Variants in GLYATL2 observed in about 807,000 individuals in gnomAD.
The protein encoded by GLYATL2 is glycine N-acyltransferase-like protein 2.
A neutral mutation model predicts 21.4 loss-of-function variants in GLYATL2; 25 were observed. The ratio of observed to expected loss-of-function variants is 1.17; its 90% CI spans 0.85 to 1.63. The LOEUF (loss-of-function observed/expected upper bound fraction) is 1.63, where lower values mean the gene tolerates loss of function less well. GLYATL2 is among the 40% of genes most tolerant of loss of function. GLYATL2 has a pLI of 0.00. For missense variants in GLYATL2, 361 were observed against 343.3 expected (o/e 1.05, Z -0.41); for synonymous variants, 114 against 118.2 (o/e 0.96, Z 0.23).
chr11:58,894,334 T>C (rs1270848823), intron 1 of GLYATL2, among the ~76,000 whole-genome samples: 3 of 152,158 alleles, frequency 2.0e-5, no homozygotes, highest in African/African-American at 4.8e-5. Flanking sequence ...ATAAGAACTT[T>C]CTAATTAAAT....
At chr11:58,899,655 C>G (rs896770848) in intron 1 of GLYATL2, among the ~76,000 whole-genome samples, 2 of 152,062 alleles carry the variant, frequency 1.3e-5, no homozygotes, top group Admixed American at 6.6e-5. Context: ...CACATACCAG[C>G]GGGTTAGGGT....
rs182457055 is a variant in GLYATL2, at chr11:58,875,342, C to T, written n.60+28814G>A. 5.5e-3 allele frequency among the ~76,000 whole-genome samples: 839 copies of T among 152,244 alleles called. 5 individuals carry two copies. The highest frequency in any genetic ancestry group is 9.3e-3 in the Non-Finnish European group (632 of 68,032). ...TTTGATCCTGTCATTATGACGTTAG[C>T]TGGTTATTTTGCTTGTTAGTTGATG... On this transcript the variant is annotated intron_variant and non_coding_transcript_variant, in intron 1 of 4. Coordinates refer to the GLYATL2 transcript ENST00000533636.
In GLYATL2 at chr11:58,894,036, G is replaced by C. The variant is rs551485262; in HGVS notation, n.60+10120C>G. On this transcript the variant is annotated intron_variant and non_coding_transcript_variant, in intron 1 of 4. Coordinates refer to the GLYATL2 transcript ENST00000533636. The stretch of plus-strand genomic sequence containing the variant: ...GAAAAGAATCTCCAGAGAATCAAGT[G>C]GGCTGGCCTTGTGGCCTCTGCTATG... Among the ~76,000 whole-genome samples, 12 of 152,300 alleles carry C rather than the reference G, an allele frequency of 7.9e-5. No homozygotes were observed. The South Asian group carries it at 2.5e-3, about 32-fold the overall frequency.
At chr11:58,909,405 A>T in the GLYATL2 span, among the ~76,000 whole-genome samples, 1 of 152,198 alleles carries the variant, frequency 6.6e-6, no homozygotes, top group Admixed American at 6.5e-5. Flanking sequence ...TACAAAAGTA[A>T]TAAATGAGGG....
chr11:58,901,171 G>C (rs1410336677), intron 1 of GLYATL2, among the ~76,000 whole-genome samples: 2 of 152,206 alleles, frequency 1.3e-5, no homozygotes, highest in Non-Finnish European at 2.9e-5. Context: ...CGCCCTGGGA[G>C]GGTCACAGAG....
chr11:58,885,549 C>G, intron 1 of GLYATL2: 1 of 440,622 alleles, frequency 2.3e-6, no homozygotes, highest in Non-Finnish European at 4.6e-6. Context: ...CAGGTAGGCA[C>G]ACAAACAGGG....
intron 1 of GLYATL2, among the ~76,000 whole-genome samples, chr11:58,851,600 C>A (rs1428382085): frequency 6.6e-6 from 1 of 152,084 alleles, no homozygotes; most frequent in African/African-American, 2.4e-5. Context: ...ATTGAGTTGG[C>A]CTTCTTCCAA....
intron 1 of GLYATL2, among the ~76,000 whole-genome samples, chr11:58,874,675 C>G (rs904791246): frequency 6.6e-6 from 1 of 152,154 alleles, no homozygotes; most frequent in Non-Finnish European, 1.5e-5. Flanking sequence ...AATTTCTGTT[C>G]TTTTACATTT....
At chr11:58,872,848 G>A (rs1407259515) in intron 1 of GLYATL2, among the ~76,000 whole-genome samples, 2 of 152,154 alleles carry the variant, frequency 1.3e-5, no homozygotes, top group African/African-American at 2.4e-5. Flanking sequence ...TGATAGGGAT[G>A]GCATTGAATC....
intron 1 of GLYATL2, among the ~76,000 whole-genome samples, chr11:58,902,068 C>T (rs1319679403): frequency 3.9e-5 from 6 of 152,220 alleles, no homozygotes; most frequent in African/African-American, 9.6e-5. Context: ...GGATGGACTA[C>T]GGGGTCTATA....
rs1853398599 is a variant in GLYATL2 at position 58,834,807 on chromosome 11, A to G, written c.507T>C (p.Asp169=). 1 of 1,599,726 alleles carries G rather than the reference A, an allele frequency of 6.3e-7. No individual in the cohort carries two copies. The highest frequency in any genetic ancestry group is 1.3e-5 in the African/African-American group (1 of 74,218). The change falls in exon 6 of 6, where the codon GAT becomes GAC. Residue 169 remains aspartate (D), a synonymous_variant. Transcript: ENST00000287275. ...KEGNFSNMFL[D]ASHAGLVNEH... ...CATTCACAAGACCTGCATGTGAAGC[A>G]TCTAAGAACATGTTTGAAAAGTTTC... is the stretch of plus-strand genomic sequence containing the variant.
intron 1 of GLYATL2, among the ~76,000 whole-genome samples, chr11:58,882,236 G>A (rs1854350201): frequency 6.6e-6 from 1 of 152,148 alleles, no homozygotes; most frequent in African/African-American, 2.4e-5. Flanking sequence ...ATCCTGTCCA[G>A]CACCTGTTGT....
At chr11:58,875,560 G>A (rs1199974082) in intron 1 of GLYATL2, among the ~76,000 whole-genome samples, 1 of 152,072 alleles carries the variant, frequency 6.6e-6, no homozygotes, top group Non-Finnish European at 1.5e-5. Context: ...GCTTAGTTTG[G>A]CTGGACATGA....
chr11:58,849,381 A>C (rs550877423), upstream of GLYATL2, among the ~76,000 whole-genome samples: 4 of 152,310 alleles, frequency 2.6e-5, no homozygotes, highest in Admixed American at 2.6e-4. Context: ...TGGCCTCCCA[A>C]AGTGCTAGGA....
At chr11:58,840,753 T>C (rs1962553) in intron 1 of GLYATL2, 39,562 of 151,348 alleles carry the variant, frequency 0.26, 5,639 homozygotes, top group East Asian at 0.51. Flanking sequence ...GCAGGAGAAT[T>C]GCTTGAACCA....
intron 1 of GLYATL2, among the ~76,000 whole-genome samples, chr11:58,854,325 C>A (rs954891641): frequency 1.1e-4 from 17 of 152,118 alleles, no homozygotes; most frequent in African/African-American, 3.9e-4. Flanking sequence ...GGGTTTAGTT[C>A]CAGACCACTG....
intron 1 of GLYATL2, among the ~76,000 whole-genome samples, chr11:58,875,542 C>T (rs1323989594): frequency 6.6e-6 from 1 of 152,150 alleles, no homozygotes; most frequent in Non-Finnish European, 1.5e-5. Flanking sequence ...TTCTCCTTCA[C>T]TTATGAAGCT....
At chr11:58,906,821 C>T (rs550562950), upstream of GLYATL2, among the ~76,000 whole-genome samples, 2 of 152,268 alleles carry the variant, frequency 1.3e-5, no homozygotes, top group East Asian at 1.9e-4. Flanking sequence ...GCATTGAGGT[C>T]ATTCTGTGGC....
intron 1 of GLYATL2, among the ~76,000 whole-genome samples, chr11:58,889,261 T>C (rs1854497852): frequency 6.6e-6 from 1 of 151,990 alleles, no homozygotes. Flanking sequence ...TTTTTTTGTG[T>C]GTGTGGGGGT....
Sources: allele counts gnomAD v4.1 joint callset (sites outside exome capture counted in the v4.1 genomes callset), GRCh38; gene constraint gnomAD v4.1.1; transcripts MANE v1.5; gene names NCBI Gene and HGNC (gene_info 2026-07-23, HGNC 2026-07-21).